The following TMLHE variants were observed in gnomAD, a reference collection of about 807,000 sequenced individuals.
TMLHE encodes the protein trimethyllysine dioxygenase, mitochondrial.
In TMLHE, 18 loss-of-function variants were observed where a neutral mutation model predicts 25.7. The ratio of observed to expected loss-of-function variants is 0.70; its 90% CI spans 0.48 to 1.04. TMLHE has a LOEUF of 1.04. TMLHE is among the 50% of genes least tolerant of loss of function. The probability of loss-of-function intolerance (pLI) is 0.00; values close to 1 mark genes in which losing one functional copy is unlikely to be tolerated. For missense variants in TMLHE, 236 were observed against 259.0 expected (o/e 0.91, Z 0.61); for synonymous variants, 105 against 97.0 (o/e 1.08, Z -0.49).
chrX:155,591,295 G>C (rs1278538845), intron 1 of TMLHE, among the ~76,000 whole-genome samples: 1 of 111,664 alleles, frequency 9.0e-6, no homozygotes, highest in Non-Finnish European at 1.9e-5. Flanking sequence ...AAGAAAATCA[G>C]TGAAGAAATA....
At chrX:155,598,243 A>G (rs781915912) in intron 1 of TMLHE, among the ~76,000 whole-genome samples, 2 of 111,455 alleles carry the variant, frequency 1.8e-5, no homozygotes, top group South Asian at 3.8e-4. Context: ...CTATAAAGAC[A>G]CATGCACACG....
chrX:155,589,948 C>T (rs5983741), intron 1 of TMLHE, among the ~76,000 whole-genome samples: 183 of 111,071 alleles, frequency 1.6e-3, no homozygotes, highest in East Asian at 8.5e-3. Context: ...AAATGTCAAC[C>T]GAAAATTCTA....
intron 1 of TMLHE, among the ~76,000 whole-genome samples, chrX:155,555,640 A>G (rs1436570025): frequency 9.0e-6 from 1 of 110,829 alleles, no homozygotes; most frequent in Non-Finnish European, 1.9e-5. Flanking sequence ...GATGATGAGC[A>G]TTTTTTCATG....
At chrX:155,508,792 G>C (rs151171578) in intron 5 of TMLHE, among the ~76,000 whole-genome samples, 1,278 of 110,677 alleles carry the variant, frequency 0.012, 19 homozygotes, top group African/African-American at 0.04. Flanking sequence ...TGAGGGGTGG[G>C]TTGGGAAAAC....
At chrX:155,527,524 G>A (rs1331236805) in intron 2 of TMLHE, among the ~76,000 whole-genome samples, 1 of 111,509 alleles carries the variant, frequency 9.0e-6, no homozygotes, top group Non-Finnish European at 1.9e-5. Context: ...GGAGGTCCTT[G>A]TACTATTTTA....
chrX:155,524,448 C>T lies in TMLHE; in HGVS notation c.358+8G>A. On this transcript the variant is annotated splice_region_variant and intron_variant, in intron 3 of 7. Coordinates refer to ENST00000334398, the MANE Select transcript of TMLHE (RefSeq NM_018196.4). ...CCCCAAAGAAGATCAAGTCTCCTGTCCACTCACAAGTGAAAAAGAGTGTGG... is the reference window on the plus strand; with the variant it reads ...CCCCAAAGAAGATCAAGTCTCCTGTTCACTCACAAGTGAAAAAGAGTGTGG... 1 of 1,143,097 alleles carries T rather than the reference C, an allele frequency of 8.7e-7. No homozygotes were observed. Among genetic ancestry groups the T allele is most frequent in the South Asian group, 2.3e-5 (1 of 44,039 alleles). 94.2% of individuals were successfully genotyped at this position (1,143,097 alleles called of 1,213,427 possible). A position where few individuals can be genotyped will look rare whatever the true frequency, so the allele number is the denominator to read the frequency against.
intron 1 of TMLHE, among the ~76,000 whole-genome samples, chrX:155,584,617 G>A (rs1289254039): frequency 9.0e-6 from 1 of 110,779 alleles, no homozygotes; most frequent in Admixed American, 9.7e-5. Context: ...AATAGCAAGA[G>A]AAAAATGTCT....
chrX:155,566,041 T>C (rs1557342168), intron 1 of TMLHE, among the ~76,000 whole-genome samples: 1 of 61,865 alleles, frequency 1.6e-5, no homozygotes, highest in African/African-American at 3.6e-5. Flanking sequence ...TGAGACACTA[T>C]GATGAATAGC....
chrX:155,598,649 A>C (rs2067738254), intron 1 of TMLHE, among the ~76,000 whole-genome samples: 1 of 109,896 alleles, frequency 9.1e-6, no homozygotes, highest in Admixed American at 9.7e-5. Flanking sequence ...ACATGTATAC[A>C]TATGTAACAA....
At chrX:155,548,532 G>GACTTC (rs2067377990) in intron 1 of TMLHE, among the ~76,000 whole-genome samples, 2 of 107,491 alleles carry the variant, frequency 1.9e-5, no homozygotes, top group African/African-American at 7.1e-5. Context: ...TCAGCAGTAT[G>GACTTC]AGGCCAGCCT....
intron 1 of TMLHE, among the ~76,000 whole-genome samples, chrX:155,596,329 A>G (rs1343865834): frequency 1.8e-5 from 2 of 111,706 alleles, no homozygotes; most frequent in African/African-American, 6.5e-5. Context: ...TGACTTTTAA[A>G]GTTCTTTTGA....
At chrX:155,600,810 A>G (rs2067751489) in intron 1 of TMLHE, among the ~76,000 whole-genome samples, 1 of 112,002 alleles carries the variant, frequency 8.9e-6, no homozygotes, top group Admixed American at 9.5e-5. Flanking sequence ...TAGATTTCTA[A>G]ACTGCGTGAA....
At chrX:155,533,997 G>T (rs1301404659) in intron 2 of TMLHE, among the ~76,000 whole-genome samples, 2 of 111,572 alleles carry the variant, frequency 1.8e-5, no homozygotes, top group Admixed American at 1.9e-4. Flanking sequence ...GAATACTAAG[G>T]GTGTGGCTGA....
intron 1 of TMLHE, among the ~76,000 whole-genome samples, chrX:155,586,026 A>T (rs1469899599): frequency 9.0e-6 from 1 of 110,639 alleles, no homozygotes; most frequent in Non-Finnish European, 1.9e-5. Flanking sequence ...TGAGTTCAAG[A>T]CCAGCCTGAC....
chrX:155,529,304 A>G (rs193230549), intron 2 of TMLHE, among the ~76,000 whole-genome samples: 1 of 111,998 alleles, frequency 8.9e-6, no homozygotes, highest in Admixed American at 9.4e-5. Context: ...CTCCCCCAAA[A>G]GTATTGATAA....
intron 1 of TMLHE, among the ~76,000 whole-genome samples, chrX:155,608,249 T>C (rs1208803155): frequency 9.0e-6 from 1 of 111,135 alleles, no homozygotes; most frequent in Admixed American, 9.5e-5. Flanking sequence ...AGAAATAAGG[T>C]TGTGTGCCTA....
chrX:155,574,550 T>C (rs1325455484), intron 1 of TMLHE, among the ~76,000 whole-genome samples: 1 of 112,190 alleles, frequency 8.9e-6, no homozygotes, highest in African/African-American at 3.2e-5. Context: ...CCAGTTTTCC[T>C]TAAAAAATAT....
intron 4 of TMLHE, 47 bp downstream of exon 4, chrX:155,513,939 T>G: frequency 8.7e-7 from 1 of 1,143,637 alleles, no homozygotes; most frequent in African/African-American, 1.8e-5. Context: ...GTTCATGCTC[T>G]GGAAATTAAT....
intron 1 of TMLHE, among the ~76,000 whole-genome samples, chrX:155,598,697 T>TATA (rs1202937950): frequency 7.3e-5 from 8 of 109,735 alleles, no homozygotes; most frequent in African/African-American, 1.3e-4. Flanking sequence ...AAACTTAAAG[T>TATA]ATAATAATAA....
Sources: gnomAD v4.1 joint callset for allele counts (sites outside exome capture counted in the v4.1 genomes callset) on GRCh38, gnomAD v4.1.1 for gene constraint, MANE v1.5 for transcripts, NCBI Gene and HGNC (gene_info 2026-07-23, HGNC 2026-07-21) for gene names.